The following NDST2 variants were observed in gnomAD, a reference collection of about 807,000 sequenced individuals.
The protein encoded by NDST2 is N-deacetylase and N-sulfotransferase 2, also known as bifunctional heparan sulfate N-deacetylase/N-sulfotransferase 2.
Under a neutral mutation model 86.9 loss-of-function variants are expected in NDST2, and 32 were observed. That is an observed-to-expected ratio of 0.37 (90% CI 0.28 to 0.49). NDST2 has a LOEUF of 0.49. Among genes scored for constraint, NDST2 ranks in the 20% least tolerant of loss-of-function variants. NDST2 has a pLI of 0.97. For missense variants in NDST2, 950 were observed against 1,146.9 expected (o/e 0.83, Z 2.48); for synonymous variants, 409 against 437.0 (o/e 0.94, Z 0.80).
Position 73,805,732 on chromosome 10 carries a change from T to C in NDST2, c.1601A>G (p.Asn534Ser). The C allele has an allele frequency of 1.2e-6, 2 of 1,614,232 alleles. No individual in the cohort carries two copies. Among genetic ancestry groups the C allele is most frequent in the Middle Eastern group, 1.6e-4 (1 of 6,062 alleles). ...IFMTHLSNYG[N>S]DRLGLYTFES... ...AAAGGTGTATAGGCCCAGCCGGTCA[T>C]TTCCATAATTGGACAGATGGGTCAT... is the stretch of plus-strand genomic sequence containing the variant. The change falls in exon 8 of 15, where the codon AAT becomes AGT. Residue 534 changes from asparagine to serine, a missense_variant. Physicochemically the swap from Asn to Ser is conservative, Grantham distance 46. Coordinates refer to ENST00000309979, the MANE Select transcript of NDST2 (RefSeq NM_003635.4).
At chr10:73,810,702 A>G (rs899967320) in intron 2 of NDST2, 97 bp downstream of exon 2, 8 of 396,434 alleles carry the variant, frequency 2.0e-5, no homozygotes, top group African/African-American at 4.1e-5. Context: ...AGAGCTTCAC[A>G]TATATTTAAT....
At chr10:73,803,546 G>T in intron 11 of NDST2, 28 bp downstream of exon 11, 1 of 1,272,074 alleles carries the variant, frequency 7.9e-7, no homozygotes, top group Non-Finnish European at 1.1e-6. Context: ...CCAACCTTTA[G>T]CCTGTGTGTC....
At position 73,807,128 on chromosome 10, in the gene NDST2, G is replaced by C; in HGVS notation, c.1073C>G (p.Ser358Trp). Reference sequence around the variant, plus strand: ...CTCACCAGTATGATAGAACTTGCCCGAGAAGCCCAAGTTGAAGGTGAAGTT... The same window carrying C: ...CTCACCAGTATGATAGAACTTGCCCCAGAAGCCCAAGTTGAAGGTGAAGTT... ...VPNFTFNLGF[S>W]GKFYHTGTEE... is the part of the protein sequence containing the mutation. Residue 358 changes from serine (S) to tryptophan (W), a missense_variant, in exon 4 of 15, where the codon TCG becomes TGG. Coordinates refer to ENST00000309979, the MANE Select transcript of NDST2 (RefSeq NM_003635.4). The C allele has an allele frequency of 6.2e-7, 1 of 1,613,976 alleles. No individual in the cohort carries two copies. Among genetic ancestry groups the C allele is most frequent in the Non-Finnish European group, 8.5e-7 (1 of 1,179,954 alleles).
intron 3 of NDST2, 69 bp from the exon 4 acceptor site, chr10:73,807,264 A>G: frequency 6.4e-7 from 1 of 1,558,694 alleles, no homozygotes; most frequent in East Asian, 2.2e-5. Context: ...GAGAAGTAGC[A>G]TTCTTCCTGC....
chr10:73,804,537 A>T (rs527855001), intron 9 of NDST2, among the ~76,000 whole-genome samples: 1 of 152,244 alleles, frequency 6.6e-6, no homozygotes, highest in East Asian at 1.9e-4. Flanking sequence ...GCTACTAGGG[A>T]AGCTGAGCAG....
chr10:73,802,879 TGA>T, intron 13 of NDST2, 91 bp downstream of exon 13: 2 of 1,496,622 alleles, frequency 1.3e-6, no homozygotes, highest in Non-Finnish European at 1.9e-6. Flanking sequence ...TCTCTCCTTG[TGA>T]GACAGAGTAA....
chr10:73,807,928 C>A lies in NDST2; in HGVS notation c.461G>T (p.Arg154Leu). ...LKYVNLDAWS[R>L]ELLDRYCVEY... ...CACGCAGTACCGGTCTAGCAGTTCC[C>A]GACTCCAGGCATCCAGGTTGACATA... The change falls in exon 3 of 15, where the codon CGG (arginine) becomes CTG (leucine). Residue 154 changes from arginine (R) to leucine (L), a missense_variant. By Grantham distance (102) the Arg-to-Leu change is moderately radical. Coordinates refer to ENST00000309979, the MANE Select transcript of NDST2 (RefSeq NM_003635.4). 1 of 1,614,218 alleles carries A rather than the reference C, an allele frequency of 6.2e-7. No individual in the cohort carries two copies. The highest frequency in any genetic ancestry group is 8.5e-7 in the Non-Finnish European group (1 of 1,180,040).
Position 73,803,648 on chromosome 10 carries a change from C to T in NDST2, c.2068G>A (p.Ala690Thr), listed in dbSNP as rs754056276. The change falls in exon 11 of 15, where the codon GCT becomes ACT. Residue 690 changes from alanine to threonine, a missense_variant. By Grantham distance (58) the Ala-to-Thr change is moderately conservative (BLOSUM62 0). Coordinates refer to ENST00000309979, the MANE Select transcript of NDST2 (RefSeq NM_003635.4). ...ATCTTGGCTCGTGGCAGGAGGGCAG[C>T]CCCCCGCCGTGGTACAACTTCAGAG... Reference protein sequence around the residue: ...FDSEVVPRRGAALLPRAKIIT... With the variant: ...FDSEVVPRRGTALLPRAKIIT... The T allele has an allele frequency of 1.9e-6, 3 of 1,613,752 alleles. No homozygotes were observed. The highest frequency in any genetic ancestry group is 1.7e-6 in the Non-Finnish European group (2 of 1,179,980).
chr10:73,804,634 T>C (rs2084066669), intron 9 of NDST2, 139 bp downstream of exon 9: 1 of 426,752 alleles, frequency 2.3e-6, no homozygotes, highest in Non-Finnish European at 4.1e-6. Context: ...GAGACTCTTA[T>C]CTCAAAAAAA....
chr10:73,804,075 C>T, intron 9 of NDST2, 59 bp from the exon 10 acceptor site: 1 of 1,594,450 alleles, frequency 6.3e-7, no homozygotes, highest in Non-Finnish European at 8.5e-7. Context: ...GCCAGCTCAA[C>T]AGCATAAGCT....
rs944601225 is a variant in NDST2 at position 73,806,192 on chromosome 10, A to C, written c.1434+97T>G. 80 of 1,558,194 alleles carry C rather than the reference A, an allele frequency of 5.1e-5. 1 individual carries two copies. Among genetic ancestry groups the C allele is most frequent in the Non-Finnish European group, 6.8e-5 (77 of 1,134,634 alleles). ...TCTACCCCCAATTATGTACCCCCAT[A>C]CTTGGACTGGCAGTTGATAGAGAAC... On this transcript the variant is annotated intron_variant, in intron 6 of 14. Coordinates refer to ENST00000309979, the MANE Select transcript of NDST2 (RefSeq NM_003635.4). The surrounding 1 kb of genome is among the most constrained non-coding windows in gnomAD (Gnocchi z 4.5).
chr10:73,804,767 C>G lies in NDST2; in HGVS notation c.1843+6G>C, dbSNP rs767928116. The G allele has an allele frequency of 1.9e-6, 3 of 1,602,216 alleles. No homozygotes were observed. Among genetic ancestry groups the G allele is most frequent in the Non-Finnish European group, 1.7e-6 (2 of 1,169,932 alleles). On this transcript the variant is annotated splice_donor_region_variant and intron_variant, in intron 9 of 14. Transcript: ENST00000309979. ...GGGCAAGAGAAGTTAGCTAAGGATA[C>G]TTCACCTGTTTTCTGGGGTCCCACA...
intron 9 of NDST2, among the ~76,000 whole-genome samples, chr10:73,804,436 T>C (rs2132863035): frequency 6.6e-6 from 1 of 151,882 alleles, no homozygotes; most frequent in East Asian, 1.9e-4. Context: ...AGGTCAAGAG[T>C]TCGAGACCAG....
rs747865548 is a variant in NDST2, at chr10:73,806,469, A to C, written c.1254T>G (p.His418Gln). The C allele has an allele frequency of 6.3e-7, 1 of 1,587,136 alleles. No homozygotes were observed. The highest frequency in any genetic ancestry group is 1.7e-5 in the Admixed American group (1 of 58,000). ...CATACCCCAGGTCCGTGGGAATCCC[A>C]TGCTCCTGGGAATGGCATAGACTCT... ...MRLNKQFALE[H>Q]GIPTDLGYAV... is the part of the protein sequence containing the mutation. Residue 418 changes from histidine to glutamine, a missense_variant, in exon 6 of 15, where the codon CAT (histidine) becomes CAG (glutamine). Physicochemically the swap from His to Gln is conservative, Grantham distance 24. This residue lies in a region of NDST2 where 586 missense variants were observed against 714.0 expected (regional missense o/e 0.82). Coordinates refer to ENST00000309979, the MANE Select transcript of NDST2 (RefSeq NM_003635.4). The surrounding 1 kb of genome is among the most constrained non-coding windows in gnomAD (Gnocchi z 4.5).
At chr10:73,804,748 G>A (rs2084068575) in intron 9 of NDST2, 25 bp downstream of exon 9, 2 of 1,490,848 alleles carry the variant, frequency 1.3e-6, no homozygotes, top group Non-Finnish European at 9.3e-7. Context: ...GGCAGGGCAA[G>A]AGAAGTTAGC....
chr10:73,806,212 G>T lies in NDST2; in HGVS notation c.1434+77C>A. On this transcript the variant is annotated intron_variant, in intron 6 of 14. Coordinates refer to ENST00000309979, the MANE Select transcript of NDST2 (RefSeq NM_003635.4). This position sits in a 1 kb window ranked among gnomAD's most constrained non-coding sequence, Gnocchi z 4.5. ...CCCATACTTGGACTGGCAGTTGATA[G>T]AGAACATAGGTCAATGCATGTTGAA... is the stretch of plus-strand genomic sequence containing the variant. The T allele has an allele frequency of 6.3e-7, 1 of 1,587,348 alleles. No individual in the cohort carries two copies. Among genetic ancestry groups the T allele is most frequent in the Non-Finnish European group, 8.6e-7 (1 of 1,158,886 alleles).
In NDST2 at chr10:73,806,125, G is replaced by A; in HGVS notation, c.1435-97C>T. On this transcript the variant is annotated intron_variant, in intron 6 of 14. Transcript: ENST00000309979. This position sits in a 1 kb window ranked among gnomAD's most constrained non-coding sequence, Gnocchi z 4.5. Reference sequence around the variant, plus strand: ...ATAGAGGACTGAGTCTGAAGTTATAGCAATAAAGCTCTTACTGAGGGTGTT... The same window carrying A: ...ATAGAGGACTGAGTCTGAAGTTATAACAATAAAGCTCTTACTGAGGGTGTT... 2 of 1,544,654 alleles carry A rather than the reference G, an allele frequency of 1.3e-6. No individual in the cohort carries two copies. The highest frequency in any genetic ancestry group is 2.3e-5 in the East Asian group (1 of 44,420).
chr10:73,810,603 T>G (rs532538095), intron 2 of NDST2, 196 bp downstream of exon 2: 1 of 385,972 alleles, frequency 2.6e-6, no homozygotes, highest in East Asian at 3.7e-5. Context: ...AGAGAAAACA[T>G]TGTAGTGAGG....
Position 73,805,577 on chromosome 10 carries a change from C to T in NDST2, c.1746+10G>A, listed in dbSNP as rs777232865. The T allele has an allele frequency of 6.2e-7, 1 of 1,613,712 alleles. No individual in the cohort carries two copies. The highest frequency in any genetic ancestry group is 8.5e-7 in the Non-Finnish European group (1 of 1,179,872). On this transcript the variant is annotated intron_variant, in intron 8 of 14. Transcript: ENST00000309979. ...ATCATGTCTCTCATCAGACTGAGCT[C>T]CACCTTTACCTGCCAAAGGGGGCTT...
Sources: gnomAD v4.1 joint callset for allele counts (sites outside exome capture counted in the v4.1 genomes callset) on GRCh38, gnomAD v4.1.1 for gene constraint, gnomAD v4.1.1 regional missense constraint, Gnocchi (gnomAD v3.1) non-coding constraint, MANE v1.5 for transcripts, NCBI Gene and HGNC (gene_info 2026-07-23, HGNC 2026-07-21) for gene names.